The following PTPRM variants were observed in gnomAD, a reference collection of about 807,000 sequenced individuals.
PTPRM encodes the protein protein tyrosine phosphatase receptor type M.
PTPRM carries 47 observed loss-of-function variants against 186.7 expected under a neutral mutation model. The observed-to-expected ratio is 0.25, with a 90% CI of 0.20 to 0.32. PTPRM has a LOEUF of 0.32. PTPRM is among the 10% of genes least tolerant of loss of function. PTPRM has a pLI of 1.00. For synonymous variants in PTPRM, 668 were observed against 674.9 expected (o/e 0.99, Z 0.16); for missense variants, 1,494 against 1,865.0 (o/e 0.80, Z 3.66).
intron 1 of PTPRM, among the ~76,000 whole-genome samples, chr18:7,631,856 A>C (rs1352282394): frequency 6.6e-6 from 1 of 152,188 alleles, no homozygotes; most frequent in Non-Finnish European, 1.5e-5. Flanking sequence ...TTATTCTAGC[A>C]CTACAGATCT....
At chr18:8,092,958 G>C (rs1005807779) in intron 11 of PTPRM, among the ~76,000 whole-genome samples, 2 of 152,022 alleles carry the variant, frequency 1.3e-5, no homozygotes, top group African/African-American at 4.8e-5. Context: ...GATCAGCCTG[G>C]ACAACATAGA....
At chr18:7,835,435 C>T (rs1003790917) in intron 2 of PTPRM, among the ~76,000 whole-genome samples, 2 of 151,918 alleles carry the variant, frequency 1.3e-5, no homozygotes, top group Non-Finnish European at 2.9e-5. Context: ...CCATTGTGGT[C>T]AGGGAAGATG....
At chr18:8,316,840 A>G (rs1454919935) in intron 21 of PTPRM, among the ~76,000 whole-genome samples, 2 of 152,150 alleles carry the variant, frequency 1.3e-5, no homozygotes, top group Non-Finnish European at 1.5e-5. Flanking sequence ...GTAGCAAGTG[A>G]GCAAGGAAGA....
intron 13 of PTPRM, among the ~76,000 whole-genome samples, chr18:8,124,106 G>GAC (rs2092265288): frequency 6.6e-6 from 1 of 152,222 alleles, no homozygotes; most frequent in South Asian, 2.1e-4. Context: ...TAGTCTGAAG[G>GAC]ACACACACAC....
At chr18:7,852,544 T>C (rs1299657877) in intron 2 of PTPRM, among the ~76,000 whole-genome samples, 1 of 152,080 alleles carries the variant, frequency 6.6e-6, no homozygotes, top group African/African-American at 2.4e-5. Flanking sequence ...AAAAATTAGC[T>C]GGGCATAGTG....
At chr18:8,337,559 G>T (rs757965487) in intron 22 of PTPRM, among the ~76,000 whole-genome samples, 2 of 152,172 alleles carry the variant, frequency 1.3e-5, no homozygotes, top group Admixed American at 1.3e-4. Context: ...TGGTATAAAC[G>T]AACAAAGCAA....
chr18:8,245,048 G>A (rs946121430), intron 15 of PTPRM, among the ~76,000 whole-genome samples: 3 of 152,208 alleles, frequency 2.0e-5, no homozygotes, highest in Admixed American at 6.5e-5. Flanking sequence ...TTTAAAGGCC[G>A]GTGGGCCTTG....
At chr18:7,948,468 G>C (rs969141578) in intron 5 of PTPRM, among the ~76,000 whole-genome samples, 1 of 152,048 alleles carries the variant, frequency 6.6e-6, no homozygotes, top group South Asian at 2.1e-4. Context: ...ATAACTAAAA[G>C]GGTTACTTAA....
chr18:8,162,102 C>CTT (rs761016384), intron 14 of PTPRM, among the ~76,000 whole-genome samples: 2 of 142,356 alleles, frequency 1.4e-5, no homozygotes, highest in African/African-American at 2.6e-5. Context: ...GGGTTTTTTT[C>CTT]TTTTTTTTTT....
At chr18:8,158,400 G>A (rs1034264799) in intron 14 of PTPRM, among the ~76,000 whole-genome samples, 2 of 152,148 alleles carry the variant, frequency 1.3e-5, no homozygotes, top group Non-Finnish European at 2.9e-5. Context: ...TAAAAACTGA[G>A]CATATTTTTC....
chr18:7,925,345 G>A (rs149757874), intron 4 of PTPRM, among the ~76,000 whole-genome samples: 168 of 152,282 alleles, frequency 1.1e-3, no homozygotes, highest in African/African-American at 3.9e-3. Context: ...TGAGCATCAT[G>A]AATACTTTGT....
intron 22 of PTPRM, among the ~76,000 whole-genome samples, chr18:8,326,273 A>G (rs1259868779): frequency 2.6e-5 from 4 of 152,168 alleles, no homozygotes; most frequent in African/African-American, 4.8e-5. Flanking sequence ...ACACTGCCCA[A>G]AGAAATCAGG....
At chr18:8,398,211 T>C (rs996013792) in intron 32 of PTPRM, among the ~76,000 whole-genome samples, 1 of 152,026 alleles carries the variant, frequency 6.6e-6, no homozygotes, top group Non-Finnish European at 1.5e-5. Context: ...TTCAAACTCC[T>C]GGCCTCAAGC....
chr18:7,673,415 A>C (rs1299766895), intron 1 of PTPRM, among the ~76,000 whole-genome samples: 1 of 152,244 alleles, frequency 6.6e-6, no homozygotes, highest in Non-Finnish European at 1.5e-5. Flanking sequence ...TAAAGAAAAT[A>C]AGAAATATAG....
intron 1 of PTPRM, among the ~76,000 whole-genome samples, chr18:7,652,089 G>A (rs1423911177): frequency 1.3e-5 from 2 of 152,132 alleles, no homozygotes; most frequent in South Asian, 2.1e-4. Context: ...AAAAATGGGC[G>A]AAGGACATGG....
intron 5 of PTPRM, 145 bp from the exon 6 acceptor site, chr18:7,949,036 C>A: frequency 1.5e-6 from 1 of 679,786 alleles, no homozygotes. Flanking sequence ...CAGCTATTCT[C>A]CTGGTACAAC....
intron 1 of PTPRM, among the ~76,000 whole-genome samples, chr18:7,732,828 C>A (rs2040690056): frequency 6.6e-6 from 1 of 152,124 alleles, no homozygotes; most frequent in Non-Finnish European, 1.5e-5. Flanking sequence ...TCTTGAGCCC[C>A]ATAACTGAAC....
intron 5 of PTPRM, among the ~76,000 whole-genome samples, chr18:7,930,362 G>A (rs997226600): frequency 6.6e-6 from 1 of 152,224 alleles, no homozygotes; most frequent in Non-Finnish European, 1.5e-5. Context: ...GAGCCACCAT[G>A]CCCGACCTAT....
Position 7,708,153 on chromosome 18 carries a change from A to T in PTPRM, c.74-65996A>T, listed in dbSNP as rs945854613. Among the ~76,000 whole-genome samples, 5 of 152,336 alleles carry T rather than the reference A, an allele frequency of 3.3e-5. No homozygotes were observed. In the South Asian group the frequency reaches 1.0e-3, roughly 32 times the overall value. On this transcript the variant is annotated intron_variant, in intron 1 of 32. Coordinates refer to ENST00000580170, the MANE Select transcript of PTPRM (RefSeq NM_001105244.2). ...GATTTTAGAAATATAAGTTAAACAG[A>T]GGTTCAAGTATATATATTTTTGGTA... is the stretch of plus-strand genomic sequence containing the variant.
Sources: gnomAD v4.1 joint callset for allele counts (sites outside exome capture counted in the v4.1 genomes callset) on GRCh38, gnomAD v4.1.1 for gene constraint, MANE v1.5 for transcripts, NCBI Gene and HGNC (gene_info 2026-07-23, HGNC 2026-07-21) for gene names.